VIRMA: variants seen among roughly 807,000 people sequenced by gnomAD.
VIRMA encodes the protein protein virilizer homolog.
VIRMA carries 65 observed loss-of-function variants against 182.4 expected under a neutral mutation model. The observed-to-expected ratio is 0.36, with a 90% confidence interval of 0.29 to 0.44. VIRMA has a LOEUF of 0.44. Among genes scored for constraint, VIRMA ranks in the 20% least tolerant of loss-of-function variants. The pLI is 1.00. For synonymous variants in VIRMA, 709 were observed against 743.1 expected (o/e 0.95, Z 0.75); for missense variants, 1,752 against 2,158.1 (o/e 0.81, Z 3.73).
At position 94,538,135 on chromosome 8, in the gene VIRMA, C is replaced by T. The variant is rs1258026080; in HGVS notation, c.266+125G>A. 4 of 699,316 alleles carry T rather than the reference C, an allele frequency of 5.7e-6. No individual in the cohort carries two copies. The Admixed American group carries it at 7.9e-5, about 14-fold the overall frequency. The allele number at this position is 699,316 out of a possible 1,614,324, so 43.3% of individuals were successfully genotyped here. ...ACATTTCTTTAATACCACCATGACA[C>T]AATTAAACCCTGTGTTCTTGGGTCT... On this transcript the variant is annotated intron_variant, in intron 3 of 23. Transcript: ENST00000297591.
At chr8:94,488,943 A>C in intron 23 of VIRMA, 83 bp from the exon 24 acceptor site, 6 of 1,445,836 alleles carry the variant, frequency 4.1e-6, no homozygotes, top group Non-Finnish European at 5.6e-6. Flanking sequence ...CACTGAGCTC[A>C]AACCAAGAAT....
rs1414140979 is a variant in VIRMA, at chr8:94,527,191, G to A, written c.1053C>T (p.Phe351=). The A allele has an allele frequency of 6.2e-7, 1 of 1,613,726 alleles. No individual in the cohort carries two copies. The highest frequency in any genetic ancestry group is 1.7e-5 in the Admixed American group (1 of 59,992). The change falls in exon 8 of 24, where the codon TTC becomes TTT. Residue 351 remains phenylalanine, a synonymous_variant. Coordinates refer to ENST00000297591, the MANE Select transcript of VIRMA (RefSeq NM_015496.5). ...YDRELVPLLY[F]SCPYKTTFEI... ...CAAAAGTAGTCTTGTATGGACAACTGAAGTATAAGAGTGGTACAAGCTCCC... is the reference window on the plus strand; with the variant it reads ...CAAAAGTAGTCTTGTATGGACAACTAAAGTATAAGAGTGGTACAAGCTCCC...
chr8:94,541,613 A>T (rs777667959), intron 2 of VIRMA, among the ~76,000 whole-genome samples: 10 of 151,504 alleles, frequency 6.6e-5, no homozygotes, highest in Non-Finnish European at 1.2e-4. Flanking sequence ...GCGATCTCAG[A>T]TCACTGCAAC....
chr8:94,503,273 T>C (rs1310567445), intron 16 of VIRMA, among the ~76,000 whole-genome samples: 2 of 152,134 alleles, frequency 1.3e-5, no homozygotes, highest in African/African-American at 4.8e-5. Flanking sequence ...AAATGGGAAA[T>C]TAATAAGTTT....
intron 7 of VIRMA, among the ~76,000 whole-genome samples, 187 bp from the exon 8 acceptor site, chr8:94,527,550 C>G (rs1374372747): frequency 6.6e-6 from 1 of 152,142 alleles, no homozygotes; most frequent in African/African-American, 2.4e-5. Context: ...TATGGACAAA[C>G]TTCTTTTTTT....
chr8:94,495,855 A>G lies in VIRMA; in HGVS notation c.4420T>C (p.Leu1474=), dbSNP rs763737840. 1.4e-5 allele frequency: 23 copies of G among 1,613,472 alleles called. No individual in the cohort carries two copies. The highest frequency in any genetic ancestry group is 1.9e-5 in the Non-Finnish European group (23 of 1,179,854). Residue 1474 remains leucine, a synonymous_variant, in exon 19 of 24, where the codon TTG becomes CTG. Transcript: ENST00000297591. ...TGCTTAAGTCCAACTACACTGTCCA[A>G]CAAAGAATCCAGATTGTCATCATCT... is the stretch of plus-strand genomic sequence containing the variant. ...SKDDDNLDSL[L]DSVVGLKQML...
intron 4 of VIRMA, 137 bp downstream of exon 4, chr8:94,536,966 G>C: frequency 1.5e-6 from 1 of 675,094 alleles, no homozygotes; most frequent in Non-Finnish European, 2.6e-6. Flanking sequence ...GTGACAGAGC[G>C]AGACTCCGTC....
In VIRMA at chr8:94,547,970, A is replaced by C. The variant is rs151011209; in HGVS notation, c.64-4028T>G. 1.7e-3 allele frequency among the ~76,000 whole-genome samples: 246 copies of C among 140,904 alleles called. 22 individuals carry two copies. Among genetic ancestry groups the C allele is most frequent in the African/African-American group, 6.2e-3 (237 of 38,080 alleles). 92.4% of individuals were successfully genotyped at this position (140,904 alleles called of 152,430 possible). A position where few individuals can be genotyped will look rare whatever the true frequency, so the allele number is the denominator to read the frequency against. ...GAGGCAGGAGGATCGCCCAGGTCAA[A>C]GTTGTAGTAAGCCATAAGCACACCA... On this transcript the variant is annotated intron_variant, in intron 1 of 23. Transcript: ENST00000297591.
chr8:94,538,421 G>C, intron 2 of VIRMA, 75 bp from the exon 3 acceptor site: 1 of 892,066 alleles, frequency 1.1e-6, no homozygotes, highest in East Asian at 2.4e-5. Flanking sequence ...AACATAGTAA[G>C]TACAAAGTTA....
chr8:94,527,756 C>CAA (rs146515239), intron 7 of VIRMA, among the ~76,000 whole-genome samples: 3 of 151,630 alleles, frequency 2.0e-5, no homozygotes, highest in South Asian at 4.2e-4. Flanking sequence ...TTTTTAAGAC[C>CAA]AAAAAAAACT....
At chr8:94,504,951 C>A (rs1348833318) in intron 16 of VIRMA, among the ~76,000 whole-genome samples, 1 of 152,144 alleles carries the variant, frequency 6.6e-6, no homozygotes, top group South Asian at 2.1e-4. Flanking sequence ...CCAACAAAAT[C>A]ATAGATAATA....
At chr8:94,488,992 G>T in intron 23 of VIRMA, 132 bp from the exon 24 acceptor site, 1 of 859,198 alleles carries the variant, frequency 1.2e-6, no homozygotes, top group Non-Finnish European at 1.7e-6. Flanking sequence ...CAAGCACGGT[G>T]AATGGGCCAA....
intron 20 of VIRMA, 135 bp from the exon 21 acceptor site, chr8:94,492,953 C>G (rs1331890084): frequency 2.7e-6 from 2 of 751,012 alleles, no homozygotes; most frequent in African/African-American, 3.5e-5. Flanking sequence ...CCTCTTTCAT[C>G]TTTTCAAAAA....
At chr8:94,492,540 G>A (rs1813640264) in intron 21 of VIRMA, 112 bp downstream of exon 21, 2 of 767,836 alleles carry the variant, frequency 2.6e-6, no homozygotes, top group Non-Finnish European at 4.1e-6. Context: ...CCAAAATGCT[G>A]GGATTACAGG....
intron 18 of VIRMA, 159 bp from the exon 19 acceptor site, chr8:94,496,050 C>T (rs762792301): frequency 2.1e-5 from 14 of 659,616 alleles, no homozygotes; most frequent in Non-Finnish European, 2.4e-5. Context: ...AAAACAAACA[C>T]CAAAACACTT....
chr8:94,534,697 C>T, intron 5 of VIRMA, 142 bp downstream of exon 5: 1 of 886,686 alleles, frequency 1.1e-6, no homozygotes, highest in Non-Finnish European at 1.7e-6. Context: ...CATCTCCTCC[C>T]TCCCTCTCTC....
chr8:94,547,439 T>C (rs1369522666), intron 1 of VIRMA, among the ~76,000 whole-genome samples: 1 of 151,046 alleles, frequency 6.6e-6, no homozygotes, highest in East Asian at 1.9e-4. Flanking sequence ...AGCATAACTG[T>C]TTCCCTTCCT....
chr8:94,495,789 G>T lies in VIRMA; in HGVS notation c.4486C>A (p.Gln1496Lys). Residue 1496 changes from glutamine to lysine, a missense_variant, in exon 19 of 24, where the codon CAG becomes AAG. Transcript: ENST00000297591. ...GCTGAAAGTACTGGTTCTACATCCT[G>T]GTCACTGAGAGGTAAAGGGTCACCT... ...SSGDPLPLSD[Q>K]DVEPVLSAPE... The T allele has an allele frequency of 6.2e-7, 1 of 1,613,726 alleles. No homozygotes were observed. Among genetic ancestry groups the T allele is most frequent in the African/African-American group, 1.3e-5 (1 of 75,006 alleles).
At chr8:94,539,433 T>G (rs902392435) in intron 2 of VIRMA, among the ~76,000 whole-genome samples, 74 of 152,300 alleles carry the variant, frequency 4.9e-4, no homozygotes, top group African/African-American at 1.8e-3. Context: ...ACTAAAATCT[T>G]ACTACACTTT....
Sources: gnomAD v4.1 joint callset for allele counts (sites outside exome capture counted in the v4.1 genomes callset) on GRCh38, gnomAD v4.1.1 for gene constraint, MANE v1.5 for transcripts, NCBI Gene and HGNC (gene_info 2026-07-23, HGNC 2026-07-21) for gene names.